The following GPHN variants were observed in gnomAD, a reference collection of about 807,000 sequenced individuals.
GPHN encodes gephyrin.
In GPHN, 17 loss-of-function variants were observed where a neutral mutation model predicts 95.5. The observed-to-expected ratio is 0.18, with a 90% CI of 0.12 to 0.27. The LOEUF is 0.27. GPHN is among the 10% of genes least tolerant of loss of function. The pLI is 1.00. For synonymous variants in GPHN, 320 were observed against 322.5 expected (o/e 0.99, Z 0.08); for missense variants, 660 against 978.1 (o/e 0.67, Z 4.34).
chr14:66,933,149 T>G (rs1478855340), intron 8 of GPHN, among the ~76,000 whole-genome samples: 1 of 152,248 alleles, frequency 6.6e-6, no homozygotes, highest in Non-Finnish European at 1.5e-5. Context: ...CAAATGACAG[T>G]TAACAACATA....
chr14:66,854,700 T>A (rs1442879928), intron 4 of GPHN, among the ~76,000 whole-genome samples: 2 of 152,228 alleles, frequency 1.3e-5, no homozygotes, highest in African/African-American at 4.8e-5. Flanking sequence ...CTATATCATC[T>A]TTTGTTTAAC....
intron 5 of GPHN, among the ~76,000 whole-genome samples, chr14:66,885,891 T>C (rs2153537401): frequency 6.8e-6 from 1 of 146,738 alleles, no homozygotes; most frequent in African/African-American, 2.5e-5. Context: ...ATTTCTAGAA[T>C]TACCATATTA....
In GPHN at chr14:67,023,629, A is replaced by G. The variant is rs747289580; in HGVS notation, c.964-4A>G. 1.2e-6 allele frequency: 2 copies of G among 1,612,678 alleles called. No individual in the cohort carries two copies. ...AAATTACTGAGTTTATGCTCTTTCT[A>G]CAGGTCCAGTCCAGGTGCAGCAGCA... On this transcript the variant is annotated splice_region_variant and splice_polypyrimidine_tract_variant and intron_variant, in intron 9 of 22. Coordinates refer to ENST00000478722, the MANE Select transcript of GPHN (RefSeq NM_020806.5).
At chr14:67,439,028 T>C in the GPHN span, among the ~76,000 whole-genome samples, 2 of 152,120 alleles carry the variant, frequency 1.3e-5, no homozygotes, top group Non-Finnish European at 2.9e-5. Flanking sequence ...TGGGAAATGA[T>C]AGGATGTGGG....
At chr14:67,541,986 C>A in the GPHN span, 4 of 1,604,676 alleles carry the variant, frequency 2.5e-6, no homozygotes, top group African/African-American at 5.4e-5. Context: ...GAGCTGCTGG[C>A]TGACAAGGTG....
chr14:67,063,713 C>A (rs201209318), intron 11 of GPHN, among the ~76,000 whole-genome samples: 2 of 152,014 alleles, frequency 1.3e-5, no homozygotes, highest in African/African-American at 2.4e-5. Flanking sequence ...GGAGTTCACT[C>A]GTGATTTGGC....
At chr14:67,498,297 A>C in the GPHN span, among the ~76,000 whole-genome samples, 1 of 151,662 alleles carries the variant, frequency 6.6e-6, no homozygotes, top group Non-Finnish European at 1.5e-5. Flanking sequence ...GTGGGCAATC[A>C]CTCTGTGGTT....
At chr14:66,534,225 A>C (rs2059050688) in intron 1 of GPHN, among the ~76,000 whole-genome samples, 1 of 152,186 alleles carries the variant, frequency 6.6e-6, no homozygotes, top group Non-Finnish European at 1.5e-5. Context: ...ATTAACACTC[A>C]GATCAAGATG....
the GPHN span, among the ~76,000 whole-genome samples, chr14:67,527,660 T>G: frequency 6.6e-6 from 1 of 152,342 alleles, no homozygotes; most frequent in East Asian, 1.9e-4. Flanking sequence ...CAATGTGTTT[T>G]GTACCGCAGC....
intron 16 of GPHN, among the ~76,000 whole-genome samples, chr14:67,120,911 C>G (rs907060810): frequency 6.6e-6 from 1 of 152,124 alleles, no homozygotes; most frequent in African/African-American, 2.4e-5. Flanking sequence ...TCACAGTTTT[C>G]CTGTAGCCTA....
the GPHN span, among the ~76,000 whole-genome samples, chr14:67,436,046 C>T: frequency 6.6e-6 from 1 of 152,248 alleles, no homozygotes; most frequent in East Asian, 1.9e-4. Flanking sequence ...GGGCTTACTT[C>T]CCTTAGGGCT....
At chr14:67,367,565 G>A in the GPHN span, among the ~76,000 whole-genome samples, 1 of 152,224 alleles carries the variant, frequency 6.6e-6, no homozygotes, top group Non-Finnish European at 1.5e-5. Context: ...TTCTACACTT[G>A]GTCAGCATTC....
At chr14:67,165,272 C>A in intron 20 of GPHN, 46 bp downstream of exon 20, 1 of 1,406,592 alleles carries the variant, frequency 7.1e-7, no homozygotes, top group Non-Finnish European at 1.0e-6. Flanking sequence ...GAAAAATAGC[C>A]AAAATTTTTT....
intron 3 of GPHN, among the ~76,000 whole-genome samples, chr14:66,807,309 C>G (rs911855134): frequency 6.6e-6 from 1 of 152,194 alleles, no homozygotes; most frequent in East Asian, 1.9e-4. Flanking sequence ...GGTGGGGACA[C>G]AGCCAAACCA....
At chr14:67,255,134 C>T in the GPHN span, among the ~76,000 whole-genome samples, 5 of 151,498 alleles carry the variant, frequency 3.3e-5, no homozygotes, top group Admixed American at 2.6e-4. Context: ...GGCAACAGAG[C>T]GAGACTCCAT....
intron 1 of GPHN, among the ~76,000 whole-genome samples, chr14:66,574,137 T>G (rs908471705): frequency 1.5e-4 from 23 of 152,336 alleles, no homozygotes; most frequent in African/African-American, 5.5e-4. Flanking sequence ...AGTAGTATGC[T>G]TTGGCTCCTT....
chr14:66,814,718 G>C (rs2060896326), intron 3 of GPHN, among the ~76,000 whole-genome samples: 1 of 152,204 alleles, frequency 6.6e-6, no homozygotes, highest in Non-Finnish European at 1.5e-5. Context: ...GAAAGAATCA[G>C]TGCAAGAATG....
At chr14:67,411,426 G>A in the GPHN span, among the ~76,000 whole-genome samples, 3 of 152,092 alleles carry the variant, frequency 2.0e-5, no homozygotes, top group Non-Finnish European at 4.4e-5. Context: ...AGTACCCACC[G>A]TGTATGGCAC....
intron 1 of GPHN, among the ~76,000 whole-genome samples, chr14:66,659,492 C>G (rs2065509508): frequency 6.6e-6 from 1 of 151,924 alleles, no homozygotes; most frequent in African/African-American, 2.4e-5. Context: ...GATTATATAA[C>G]TAGTTCTTTC....
Sources: gnomAD v4.1 joint callset for allele counts (sites outside exome capture counted in the v4.1 genomes callset) on GRCh38, gnomAD v4.1.1 for gene constraint, MANE v1.5 for transcripts, NCBI Gene and HGNC (gene_info 2026-07-23, HGNC 2026-07-21) for gene names.